The following RBFOX1 variants were observed in gnomAD, a reference collection of about 807,000 sequenced individuals.
RBFOX1 encodes the protein RNA binding fox-1 homolog 1.
A neutral mutation model predicts 57.7 loss-of-function variants in RBFOX1; 8 were observed. The ratio of observed to expected loss-of-function variants is 0.14; its 90% CI spans 0.08 to 0.25. The LOEUF is 0.25. Ranked by LOEUF, RBFOX1 falls within the 10% of genes least tolerant of loss-of-function variation. The probability of loss-of-function intolerance (pLI) is 1.00; values close to 1 mark genes in which losing one functional copy is unlikely to be tolerated. For missense variants in RBFOX1, 611 were observed against 548.5 expected (o/e 1.11, Z -1.14); for synonymous variants, 326 against 222.4 (o/e 1.47, Z -4.15).
intron 3 of RBFOX1, among the ~76,000 whole-genome samples, chr16:6,873,001 T>C (rs895955601): frequency 2.0e-5 from 3 of 152,264 alleles, no homozygotes; most frequent in East Asian, 3.9e-4. Context: ...AGAGATCTTA[T>C]AAAGATAATT....
At chr16:7,235,936 G>C (rs1324734438) in intron 4 of RBFOX1, among the ~76,000 whole-genome samples, 1 of 152,130 alleles carries the variant, frequency 6.6e-6, no homozygotes, top group Non-Finnish European at 1.5e-5. Flanking sequence ...CTTAATGACA[G>C]CCAATTTCAA....
rs372605777 is a variant in RBFOX1 at position 7,340,850 on chromosome 16, C to T, written c.28-177297C>T. ...TCAATCTCTTCTGATTAATATCAGT[C>T]CTATAAAAAGGGTGTCTTGCTGCAG... On this transcript the variant is annotated intron_variant, in intron 4 of 15. Transcript: ENST00000550418. 8.5e-5 allele frequency among the ~76,000 whole-genome samples: 13 copies of T among 152,260 alleles called. No homozygotes were observed. In the South Asian group the frequency reaches 2.7e-3, roughly 32 times the overall value.
chr16:5,260,702 C>A (rs971122669), intron 1 of RBFOX1: 1 of 152,196 alleles, frequency 6.6e-6, no homozygotes, highest in African/African-American at 2.4e-5. Context: ...TTGACAGCAC[C>A]GACATTGGCC....
At chr16:6,412,784 G>A (rs1214351542) in intron 2 of RBFOX1, among the ~76,000 whole-genome samples, 1 of 152,142 alleles carries the variant, frequency 6.6e-6, no homozygotes, top group Non-Finnish European at 1.5e-5. Flanking sequence ...CTGATTCAGT[G>A]AGCAAGAGTG....
At chr16:6,963,139 G>A (rs1023282162) in intron 3 of RBFOX1, among the ~76,000 whole-genome samples, 1 of 152,190 alleles carries the variant, frequency 6.6e-6, no homozygotes, top group East Asian at 1.9e-4. Context: ...GGACTCTTTG[G>A]GGTTCTGGCT....
intron 3 of RBFOX1, among the ~76,000 whole-genome samples, chr16:6,697,628 G>A (rs188803006): frequency 2.0e-5 from 3 of 152,180 alleles, no homozygotes; most frequent in African/African-American, 7.2e-5. Flanking sequence ...TGATGTGGGA[G>A]CACCAAGCCA....
intron 2 of RBFOX1, among the ~76,000 whole-genome samples, chr16:6,370,629 GA>G: frequency 6.6e-6 from 1 of 152,230 alleles, no homozygotes; most frequent in Non-Finnish European, 1.5e-5. Flanking sequence ...AGGTACCTAG[GA>G]TAGTCAAATT....
rs139612744 is a variant in RBFOX1, at chr16:5,976,278, A to G, written c.351+108943A>G. Among the ~76,000 whole-genome samples the G allele has an allele frequency of 1.0e-3, 158 of 152,362 alleles. 5 individuals carry two copies. In the East Asian group the frequency reaches 0.025, roughly 24 times the overall value. ...ACAAGAAAACAACAGCAGCAACAAC[A>G]GAGTTCTGTGAGCACACGAGTTAGG... On this transcript the variant is annotated intron_variant, in intron 4 of 19. Coordinates refer to the RBFOX1 transcript ENST00000641259.
At position 7,365,710 on chromosome 16, in the gene RBFOX1, C is replaced by T. The variant is rs1414594411; in HGVS notation, c.28-152437C>T. ...CTTCCCACAGTACAGAATTATAGCA[C>T]CCAAAATATCAAGAGTGCAGAGATA... is the stretch of plus-strand genomic sequence containing the variant. On this transcript the variant is annotated intron_variant, in intron 4 of 15. Coordinates refer to ENST00000550418, the MANE Select transcript of RBFOX1 (RefSeq NM_018723.4). 2.0e-5 allele frequency among the ~76,000 whole-genome samples: 3 copies of T among 152,134 alleles called. No homozygotes were observed. In the East Asian group the frequency reaches 5.8e-4, roughly 29 times the overall value.
At chr16:5,372,172 T>G (rs1003292408) in intron 1 of RBFOX1, among the ~76,000 whole-genome samples, 6 of 152,176 alleles carry the variant, frequency 3.9e-5, no homozygotes, top group Non-Finnish European at 8.8e-5. Flanking sequence ...TAGGTCAATA[T>G]TTGATGGCTT....
intron 2 of RBFOX1, among the ~76,000 whole-genome samples, chr16:6,612,046 C>T (rs914759683): frequency 3.5e-4 from 54 of 152,270 alleles, no homozygotes; most frequent in African/African-American, 1.2e-3. Context: ...GGAATAGTTC[C>T]TGTTTCTTGC....
At chr16:6,694,116 T>C (rs1301116692) in intron 3 of RBFOX1, among the ~76,000 whole-genome samples, 1 of 152,022 alleles carries the variant, frequency 6.6e-6, no homozygotes, top group Non-Finnish European at 1.5e-5. Flanking sequence ...TGGAGAAGAG[T>C]TTCATCTTTT....
At chr16:6,628,306 T>G (rs577011874) in intron 2 of RBFOX1, among the ~76,000 whole-genome samples, 2 of 152,222 alleles carry the variant, frequency 1.3e-5, no homozygotes, top group Non-Finnish European at 2.9e-5. Flanking sequence ...GTTCATTAAT[T>G]GAAAACTACC....
intron 3 of RBFOX1, among the ~76,000 whole-genome samples, chr16:5,775,015 A>G (rs1012902691): frequency 6.6e-6 from 1 of 152,252 alleles, no homozygotes; most frequent in Non-Finnish European, 1.5e-5. Context: ...AAGAATGGCA[A>G]TCCCCTTCGC....
At chr16:5,467,184 C>CTG in intron 1 of RBFOX1, 1 of 1,453,686 alleles carries the variant, frequency 6.9e-7, no homozygotes, top group Non-Finnish European at 9.2e-7. Context: ...TTCTCTCTCT[C>CTG]TCTCTCTCTC....
chr16:6,305,650 C>CT (rs5815297), intron 1 of RBFOX1, among the ~76,000 whole-genome samples: 47,785 of 146,030 alleles, frequency 0.33, 8,742 homozygotes, highest in Non-Finnish European at 0.43. Flanking sequence ...ATACTCTTAG[C>CT]TTTTTTTTTT....
intron 4 of RBFOX1, among the ~76,000 whole-genome samples, chr16:7,408,521 T>A (rs979205010): frequency 6.6e-6 from 1 of 152,212 alleles, no homozygotes; most frequent in African/African-American, 2.4e-5. Context: ...CCGACACTTT[T>A]CATCTCTCTA....
intron 4 of RBFOX1, among the ~76,000 whole-genome samples, chr16:7,132,634 G>T (rs1052921928): frequency 6.6e-6 from 1 of 151,762 alleles, no homozygotes; most frequent in African/African-American, 2.4e-5. Flanking sequence ...ACACACAATG[G>T]AATAGTATTC....
intron 14 of RBFOX1, among the ~76,000 whole-genome samples, chr16:7,689,567 G>A (rs1198849140): frequency 6.6e-6 from 1 of 152,020 alleles, no homozygotes; most frequent in Non-Finnish European, 1.5e-5. Flanking sequence ...GGTCAGAGTT[G>A]AAACCCAGGA....
Sources: allele counts gnomAD v4.1 joint callset (sites outside exome capture counted in the v4.1 genomes callset), GRCh38; gene constraint gnomAD v4.1.1; transcripts MANE v1.5; gene names NCBI Gene and HGNC (gene_info 2026-07-23, HGNC 2026-07-21).